Variants in ATAD2 observed in about 807,000 individuals in gnomAD.
The protein encoded by ATAD2 is ATPase family AAA domain-containing protein 2.
ATAD2 carries 62 observed loss-of-function variants against 168.9 expected under a neutral mutation model. The ratio of observed to expected loss-of-function variants is 0.37; its 90% confidence interval spans 0.30 to 0.45. The LOEUF is 0.45. Among genes scored for constraint, ATAD2 ranks in the 20% least tolerant of loss-of-function variants. The probability of loss-of-function intolerance (pLI) is 1.00; values close to 1 mark genes in which losing one functional copy is unlikely to be tolerated. For synonymous variants in ATAD2, 613 were observed against 571.6 expected (o/e 1.07, Z -1.03); for missense variants, 1,419 against 1,667.8 (o/e 0.85, Z 2.60).
chr8:123,404,606 G>A (rs560327438), intron 1 of ATAD2, among the ~76,000 whole-genome samples: 231 of 145,110 alleles, frequency 1.6e-3, no homozygotes, highest in African/African-American at 5.7e-3. Context: ...TCGCTCTGTC[G>A]CCCAGGCTGG....
intron 1 of ATAD2, among the ~76,000 whole-genome samples, chr8:123,407,735 C>T (rs898309222): frequency 5.3e-5 from 8 of 152,166 alleles, no homozygotes; most frequent in African/African-American, 1.9e-4. Context: ...CGACTGTAAT[C>T]CCAGCTACTC....
intron 2 of ATAD2, among the ~76,000 whole-genome samples, chr8:123,377,805 C>G (rs962947041): frequency 1.3e-4 from 20 of 152,308 alleles, no homozygotes; most frequent in African/African-American, 4.8e-4. Flanking sequence ...CATACAGAAG[C>G]AGATGCATCA....
In ATAD2 at chr8:123,389,981, TA is replaced by T. The variant is rs1252958725; in HGVS notation, c.171+6205del. ...TATTTTATATATATATATATATATA[TA>T]TATTTTTTTTTTTTTAGACAGAGTC... On this transcript the variant is annotated intron_variant, in intron 1 of 27. Coordinates refer to ENST00000287394, the MANE Select transcript of ATAD2 (RefSeq NM_014109.4). 5.4e-5 allele frequency among the ~76,000 whole-genome samples: 6 copies of T among 110,482 alleles called. No individual in the cohort carries two copies. The East Asian group carries it at 8.9e-4, about 16-fold the overall frequency. The allele number at this position is 110,482 out of a possible 152,430, so 72.5% of individuals were successfully genotyped here. A position where few individuals can be genotyped will look rare whatever the true frequency, so the allele number is the denominator to read the frequency against.
chr8:123,397,883 G>C (rs1435579974), upstream of ATAD2, among the ~76,000 whole-genome samples: 6 of 152,188 alleles, frequency 3.9e-5, no homozygotes, highest in African/African-American at 1.4e-4. Flanking sequence ...AGGCCTAAAG[G>C]TTAGATGGTT....
intron 1 of ATAD2, among the ~76,000 whole-genome samples, chr8:123,391,485 GAAAAAAA>G (rs10563871): frequency 8.9e-5 from 3 of 33,858 alleles, no homozygotes; most frequent in African/African-American, 2.2e-4. Flanking sequence ...GAGAAGTTTT[GAAAAAAA>G]AAAAAAAAAA....
At chr8:123,410,331 G>C (rs1416119932) in intron 1 of ATAD2, among the ~76,000 whole-genome samples, 1 of 151,930 alleles carries the variant, frequency 6.6e-6, no homozygotes, top group African/African-American at 2.4e-5. Flanking sequence ...TTGTTGCCCA[G>C]GCTGGAGTGC....
intron 2 of ATAD2, among the ~76,000 whole-genome samples, chr8:123,374,929 A>T (rs543702031): frequency 3.0e-4 from 46 of 152,198 alleles, no homozygotes; most frequent in African/African-American, 1.0e-3. Flanking sequence ...CTCATGACAC[A>T]GTTACTCATA....
At chr8:123,359,544 G>A in intron 10 of ATAD2, 33 bp downstream of exon 10, 1 of 1,537,082 alleles carries the variant, frequency 6.5e-7, no homozygotes. Flanking sequence ...GCACATTATA[G>A]TTCAAGCATA....
At chr8:123,367,115 G>T (rs779213467) in intron 8 of ATAD2, among the ~76,000 whole-genome samples, 14 of 152,152 alleles carry the variant, frequency 9.2e-5, no homozygotes, top group Non-Finnish European at 1.9e-4. Flanking sequence ...CCAGCACTTT[G>T]AATCTAACCA....
chr8:123,381,455 C>T (rs539509091), intron 1 of ATAD2, among the ~76,000 whole-genome samples: 4 of 151,636 alleles, frequency 2.6e-5, no homozygotes, highest in South Asian at 4.2e-4. Context: ...GACCCGTGAT[C>T]GCGCCACTGC....
intron 13 of ATAD2, 181 bp downstream of exon 13, chr8:123,356,208 G>A (rs895609715): frequency 8.2e-6 from 3 of 365,282 alleles, no homozygotes. Flanking sequence ...AGGAATACAG[G>A]TATGAGCCAC....
chr8:123,372,915 C>T (rs567232729), intron 2 of ATAD2, among the ~76,000 whole-genome samples: 8 of 142,924 alleles, frequency 5.6e-5, no homozygotes, highest in East Asian at 2.1e-4. Context: ...TTTTTTGAGA[C>T]GGAGTCTTGC....
intron 8 of ATAD2, among the ~76,000 whole-genome samples, chr8:123,367,278 A>G (rs1359083527): frequency 2.0e-5 from 3 of 152,116 alleles, no homozygotes; most frequent in South Asian, 2.1e-4. Flanking sequence ...TTAGCGGGGC[A>G]TGGTGGCAGA....
intron 17 of ATAD2, 141 bp from the exon 18 acceptor site, chr8:123,346,413 G>T: frequency 9.9e-7 from 1 of 1,006,892 alleles, no homozygotes; most frequent in South Asian, 2.0e-5. Context: ...CATAGTTTCT[G>T]GAAACTGACC....
chr8:123,337,608 A>G lies in ATAD2; in HGVS notation c.3051+17T>C, dbSNP rs560765638. ...TTATGGCCTAGAATACACTTGATCC[A>G]AAGATTAAACTAATACCTCATCAGG... On this transcript the variant is annotated intron_variant, in intron 21 of 27. Transcript: ENST00000287394. 3.1e-5 allele frequency: 48 copies of G among 1,571,208 alleles called. No homozygotes were observed. In the South Asian group the frequency reaches 5.3e-4, roughly 17 times the overall value.
At chr8:123,399,573 G>A (rs1812970721), upstream of ATAD2, among the ~76,000 whole-genome samples, 1 of 151,892 alleles carries the variant, frequency 6.6e-6, no homozygotes, top group Non-Finnish European at 1.5e-5. Context: ...AGGTCAATCT[G>A]AGGCCAGGCG....
chr8:123,334,175 C>G (rs1827853662), intron 23 of ATAD2, 25 bp downstream of exon 23: 1 of 1,564,394 alleles, frequency 6.4e-7, no homozygotes. Context: ...TAGGTTGGTA[C>G]AAATCAACCA....
chr8:123,387,740 A>AAGC (rs1406057435), intron 1 of ATAD2, among the ~76,000 whole-genome samples: 1 of 152,212 alleles, frequency 6.6e-6, no homozygotes, highest in East Asian at 1.9e-4. Flanking sequence ...CATAGAGAAA[A>AAGC]AGCAGCAATA....
At chr8:123,411,649 G>A (rs1813161643) in intron 1 of ATAD2, among the ~76,000 whole-genome samples, 1 of 152,142 alleles carries the variant, frequency 6.6e-6, no homozygotes, top group Admixed American at 6.6e-5. Flanking sequence ...GAGGGACAAG[G>A]ATCGGGATAT....
Sources: allele counts gnomAD v4.1 joint callset (sites outside exome capture counted in the v4.1 genomes callset), GRCh38; gene constraint gnomAD v4.1.1; transcripts MANE v1.5; gene names NCBI Gene and HGNC (gene_info 2026-07-23, HGNC 2026-07-21).